Variants in CIPC observed in about 807,000 individuals in gnomAD.
The protein encoded by CIPC is CLOCK-interacting pacemaker.
In CIPC, 12 loss-of-function variants were observed where a neutral mutation model predicts 26.7. The ratio of observed to expected loss-of-function variants is 0.45; its 90% CI spans 0.29 to 0.73. The LOEUF (loss-of-function observed/expected upper bound fraction) is 0.73, where lower values mean the gene tolerates loss of function less well. Ranked by LOEUF, CIPC falls within the 30% of genes least tolerant of loss-of-function variation. CIPC has a pLI of 0.12. For synonymous variants in CIPC, 170 were observed against 189.8 expected, an observed-to-expected ratio of 0.90 and a Z score of 0.86; for missense variants, 417 against 486.5, an observed-to-expected ratio of 0.86 and a Z score of 1.34.
chr14:77,116,687 C>G lies in CIPC; in HGVS notation c.*2369C>G, dbSNP rs928185293. 1.3e-5 allele frequency: 2 copies of G among 152,186 alleles called. No homozygotes were observed. The highest frequency in any genetic ancestry group is 4.8e-5 in the African/African-American group (2 of 41,432). 9.4% of individuals were successfully genotyped at this position (152,186 alleles called of 1,614,324 possible). ...TGCTAGAAGTCTCTCCAGGCTATTA[C>G]CATGGGCATTTGTTCTCTGTTGGAG... On this transcript the variant is annotated 3_prime_UTR_variant, in exon 4 of 4. Transcript: ENST00000361786.
At chr14:77,104,302 G>A (rs965879718) in intron 1 of CIPC, among the ~76,000 whole-genome samples, 12 of 152,240 alleles carry the variant, frequency 7.9e-5, no homozygotes, top group African/African-American at 1.9e-4. Flanking sequence ...GGGGAGGATC[G>A]CTTCCATCTG....
At position 77,106,733 on chromosome 14, in the gene CIPC, CTCTTG is replaced by C. The variant is rs1261720846; in HGVS notation, c.136+894_136+898del. ...TGCAGCTGTTAGGAAAACTAGAACT[CTCTTG>C]TCTTTAGATTGGCATATTTTCTCCC... is the stretch of plus-strand genomic sequence containing the variant. On this transcript the variant is annotated intron_variant, in intron 2 of 3. Coordinates refer to ENST00000361786, the MANE Select transcript of CIPC (RefSeq NM_033426.3). Among the ~76,000 whole-genome samples, 3 of 152,154 alleles carry C rather than the reference CTCTTG, an allele frequency of 2.0e-5. No individual in the cohort carries two copies. In the East Asian group the frequency reaches 5.8e-4, roughly 29 times the overall value.
At chr14:77,107,160 A>C (rs757149266) in intron 2 of CIPC, among the ~76,000 whole-genome samples, 3 of 152,108 alleles carry the variant, frequency 2.0e-5, no homozygotes, top group Non-Finnish European at 4.4e-5. Context: ...CTTTTTGTTT[A>C]TGTTTCATTT....
intron 1 of CIPC, among the ~76,000 whole-genome samples, chr14:77,099,670 C>G (rs1031444959): frequency 9.9e-5 from 15 of 152,184 alleles, no homozygotes; most frequent in Admixed American, 9.2e-4. Flanking sequence ...GGAACTTGAG[C>G]TTCCAGGAAT....
chr14:77,102,070 C>T (rs1403702244), intron 1 of CIPC, among the ~76,000 whole-genome samples: 2 of 150,914 alleles, frequency 1.3e-5, no homozygotes, highest in African/African-American at 4.9e-5. Flanking sequence ...TGAGCAACAG[C>T]GTGTGATCCA....
rs1397717725 is a variant in CIPC at position 77,115,824 on chromosome 14, T to G, written c.*1506T>G. The stretch of plus-strand genomic sequence containing the variant: ...CCACAGCCTCCCAAGTAGCTGGGAT[T>G]ACAGGTGCCTGCCACCATGCCCAGC... On this transcript the variant is annotated 3_prime_UTR_variant, in exon 4 of 4. Transcript: ENST00000361786. 1 of 152,226 alleles carries G rather than the reference T, an allele frequency of 6.6e-6. No homozygotes were observed. The highest frequency in any genetic ancestry group is 1.9e-4 in the East Asian group (1 of 5,204). 9.4% of individuals were successfully genotyped at this position (152,226 alleles called of 1,614,324 possible).
chr14:77,117,258 G>C lies in CIPC; in HGVS notation c.*2940G>C, dbSNP rs1886829389. 1 of 152,584 alleles carries C rather than the reference G, an allele frequency of 6.6e-6. No homozygotes were observed. The highest frequency in any genetic ancestry group is 1.5e-5 in the Non-Finnish European group (1 of 68,012). The allele number at this position is 152,584 out of a possible 1,614,324, so 9.5% of individuals were successfully genotyped here. On this transcript the variant is annotated 3_prime_UTR_variant, in exon 4 of 4. Transcript: ENST00000361786. The stretch of plus-strand genomic sequence containing the variant: ...CAGAAATTGACTGTGAAATGTCAGA[G>C]AAAAATAAAAGTCACTTACTTGAAA...
chr14:77,114,719 G>T lies in CIPC; in HGVS notation c.*401G>T. 5.9e-6 allele frequency: 1 copy of T among 169,128 alleles called. No individual in the cohort carries two copies. The highest frequency in any genetic ancestry group is 1.3e-5 in the Non-Finnish European group (1 of 76,930). 10.5% of individuals were successfully genotyped at this position (169,128 alleles called of 1,614,324 possible). On this transcript the variant is annotated 3_prime_UTR_variant, in exon 4 of 4. Transcript: ENST00000361786. The stretch of plus-strand genomic sequence containing the variant: ...GCAACACCTGTTGAGCCAGGGAGTA[G>T]GTGACACAAGGAAACCTTCATGGAT...
chr14:77,105,952 G>A, intron 2 of CIPC, 108 bp downstream of exon 2: 2 of 1,296,300 alleles, frequency 1.5e-6, no homozygotes, highest in Middle Eastern at 2.5e-4. Context: ...TTCACACACA[G>A]GATAAATACT....
At chr14:77,107,185 C>T (rs1275748377) in intron 2 of CIPC, among the ~76,000 whole-genome samples, 4 of 152,172 alleles carry the variant, frequency 2.6e-5, no homozygotes, top group Non-Finnish European at 5.9e-5. Flanking sequence ...AATACGTGCT[C>T]ATTGTAAAAG....
chr14:77,100,249 T>C (rs1886453816), intron 1 of CIPC, among the ~76,000 whole-genome samples: 1 of 149,192 alleles, frequency 6.7e-6, no homozygotes, highest in Non-Finnish European at 1.5e-5. Context: ...TCTTTTTTTT[T>C]TTTTTTTTTT....
rs757543804 is a variant in CIPC, at chr14:77,109,876, A to G, written c.201A>G (p.Leu67=). The G allele has an allele frequency of 6.2e-7, 1 of 1,614,226 alleles. No individual in the cohort carries two copies. Among genetic ancestry groups the G allele is most frequent in the Non-Finnish European group, 8.5e-7 (1 of 1,180,036 alleles). Residue 67 remains leucine (L), a synonymous_variant, in exon 3 of 4, where the codon TTA becomes TTG. Coordinates refer to ENST00000361786, the MANE Select transcript of CIPC (RefSeq NM_033426.3). ...AGTCCGAGGACATGCTGAGCGCCTT[A>G]GGCTGGAGCAGAGAAGACAGGCCGA... The part of the protein sequence containing the change: ...QMESEDMLSA[L]GWSREDRPRQ...
In CIPC at chr14:77,113,562, C is replaced by T. The variant is rs146481642; in HGVS notation, c.444C>T (p.Ser148=). 1.5e-4 allele frequency: 236 copies of T among 1,614,194 alleles called. 2 individuals carry two copies. The highest frequency in any genetic ancestry group is 9.1e-4 in the East Asian group (41 of 44,888). Residue 148 remains serine, a synonymous_variant, in exon 4 of 4, where the codon TCC becomes TCT. Transcript: ENST00000361786. ...VSPCHTGEKK[S]DSRNYLPILN... ...CATGTCACACTGGTGAGAAAAAGTC[C>T]GACTCCAGGAACTACTTGCCCATTC...
At position 77,109,855 on chromosome 14, in the gene CIPC, C is replaced by T. The variant is rs762799000; in HGVS notation, c.180C>T (p.Ser60=). 13 of 1,613,964 alleles carry T rather than the reference C, an allele frequency of 8.1e-6. No homozygotes were observed. Among genetic ancestry groups the T allele is most frequent in the Admixed American group, 3.3e-5 (2 of 59,984 alleles). The change falls in exon 3 of 4, where the codon TCC becomes TCT. Residue 60 remains serine, a synonymous_variant. Transcript: ENST00000361786. The stretch of plus-strand genomic sequence containing the variant: ...TGAGCTCTGCAGAGCAGATGGAGTC[C>T]GAGGACATGCTGAGCGCCTTAGGCT... ...ECLSSAEQME[S]EDMLSALGWS...
In CIPC at chr14:77,113,925, A is replaced by G. The variant is rs1258671033; in HGVS notation, c.807A>G (p.Ser269=). Residue 269 remains serine (S), a synonymous_variant, in exon 4 of 4, where the codon TCA becomes TCG. Coordinates refer to ENST00000361786, the MANE Select transcript of CIPC (RefSeq NM_033426.3). ...CCCCCGCCAGTCCTGTCTGCGCATC[A>G]GACAGCACTCTCCATGGGTTAGAGA... ...FASPASPVCA[S]DSTLHGLESN... is the part of the protein sequence containing the mutation. 3 of 1,614,074 alleles carry G rather than the reference A, an allele frequency of 1.9e-6. No homozygotes were observed. The highest frequency in any genetic ancestry group is 2.5e-6 in the Non-Finnish European group (3 of 1,180,056).
intron 1 of CIPC, chr14:77,098,580 T>G (rs1277500868): frequency 2.1e-5 from 3 of 145,220 alleles, no homozygotes; most frequent in Non-Finnish European, 3.0e-5. Flanking sequence ...GAATCGCGGG[T>G]GAGGAGGGGG....
At position 77,115,342 on chromosome 14, in the gene CIPC, T is replaced by G. The variant is rs1349443345; in HGVS notation, c.*1024T>G. 1 of 152,134 alleles carries G rather than the reference T, an allele frequency of 6.6e-6. No homozygotes were observed. Among genetic ancestry groups the G allele is most frequent in the Non-Finnish European group, 1.5e-5 (1 of 68,016 alleles). The allele number at this position is 152,134 out of a possible 1,614,324, so 9.4% of individuals were successfully genotyped here. A position where few individuals can be genotyped will look rare whatever the true frequency, so the allele number is the denominator to read the frequency against. ...AGGGTATGATAAGTCCACAAAAAAT[T>G]GGAAAGCATCTTACCCATTTTCTTC... On this transcript the variant is annotated 3_prime_UTR_variant, in exon 4 of 4. Transcript: ENST00000361786.
At position 77,105,753 on chromosome 14, in the gene CIPC, T is replaced by G. The variant is rs990904130; in HGVS notation, c.45T>G (p.Ser15=). The G allele has an allele frequency of 6.2e-7, 1 of 1,614,066 alleles. No individual in the cohort carries two copies. The highest frequency in any genetic ancestry group is 1.3e-5 in the African/African-American group (1 of 74,932). ...CCAGAGAGAGCCCCAGAAGACTCTCTGCCAAAGTAGGCAAAGGCACAGAGA... is the reference window on the plus strand; with the variant it reads ...CCAGAGAGAGCCCCAGAAGACTCTCGGCCAAAGTAGGCAAAGGCACAGAGA... The part of the protein sequence containing the change: ...NPSRESPRRL[S]AKVGKGTEMK... The change falls in exon 2 of 4, where the codon TCT becomes TCG. Residue 15 remains serine (S), a synonymous_variant. Coordinates refer to ENST00000361786, the MANE Select transcript of CIPC (RefSeq NM_033426.3).
At chr14:77,112,023 C>T (rs1886712699) in intron 3 of CIPC, among the ~76,000 whole-genome samples, 1 of 152,202 alleles carries the variant, frequency 6.6e-6, no homozygotes, top group Non-Finnish European at 1.5e-5. Context: ...GACTCTAGAT[C>T]GTTCCAGCCT....
Sources: gnomAD v4.1 joint callset for allele counts (sites outside exome capture counted in the v4.1 genomes callset) on GRCh38, gnomAD v4.1.1 for gene constraint, MANE v1.5 for transcripts, NCBI Gene and HGNC (gene_info 2026-07-23, HGNC 2026-07-21) for gene names.